The following ADAMTS16 variants were observed in gnomAD, a reference collection of about 807,000 sequenced individuals.
The protein encoded by ADAMTS16 is ADAM metallopeptidase with thrombospondin type 1 motif 16.
In ADAMTS16, 94 loss-of-function variants were observed where a neutral mutation model predicts 145.8. The observed-to-expected ratio is 0.64, with a 90% CI of 0.55 to 0.77. The LOEUF is 0.77. Among genes scored for constraint, ADAMTS16 ranks in the 30% least tolerant of loss-of-function variants. The pLI is 0.00. For missense variants in ADAMTS16, 1,585 were observed against 1,591.5 expected, an observed-to-expected ratio of 1.00 and a Z score of 0.07; for synonymous variants, 659 against 604.3, an observed-to-expected ratio of 1.09 and a Z score of -1.33.
chr5:5,213,555 T>C (rs1736334171), intron 10 of ADAMTS16, among the ~76,000 whole-genome samples: 1 of 152,230 alleles, frequency 6.6e-6, no homozygotes, highest in Non-Finnish European at 1.5e-5. Flanking sequence ...TTATATTATG[T>C]TATTACATAT....
chr5:5,186,217 A>G lies in ADAMTS16; in HGVS notation c.929A>G (p.Asn310Ser). 6.2e-7 allele frequency: 1 copy of G among 1,613,914 alleles called. No homozygotes were observed. The highest frequency in any genetic ancestry group is 8.5e-7 in the Non-Finnish European group (1 of 1,180,006). ...KKMMQNHGHENITTYVLTILN... is the reference protein window; with the variant it reads ...KKMMQNHGHESITTYVLTILN... ...ATGATGCAAAACCATGGCCATGAAAATATCACCACCTACGTGCTCACGATA... is the reference window on the plus strand; with the variant it reads ...ATGATGCAAAACCATGGCCATGAAAGTATCACCACCTACGTGCTCACGATA... Residue 310 changes from asparagine (N) to serine (S), a missense_variant, in exon 5 of 23, where the codon AAT (asparagine) becomes AGT (serine). Asn to Ser is a conservative substitution (Grantham distance 46, BLOSUM62 1). Coordinates refer to ENST00000274181, the MANE Select transcript of ADAMTS16 (RefSeq NM_139056.4).
At chr5:5,178,441 A>T (rs1735253687) in intron 3 of ADAMTS16, among the ~76,000 whole-genome samples, 1 of 152,218 alleles carries the variant, frequency 6.6e-6, no homozygotes, top group Non-Finnish European at 1.5e-5. Flanking sequence ...AGAAGAAAAC[A>T]TTAATCTTCT....
intron 10 of ADAMTS16, among the ~76,000 whole-genome samples, chr5:5,221,854 T>C (rs1165350960): frequency 6.6e-6 from 1 of 152,240 alleles, no homozygotes; most frequent in Non-Finnish European, 1.5e-5. Context: ...ACTACGTCGA[T>C]GTGTTTCACT....
chr5:5,213,547 A>G (rs1736333834), intron 10 of ADAMTS16, among the ~76,000 whole-genome samples: 1 of 152,204 alleles, frequency 6.6e-6, no homozygotes, highest in Non-Finnish European at 1.5e-5. Context: ...TACTTCTATT[A>G]TATTATGTTA....
intron 7 of ADAMTS16, among the ~76,000 whole-genome samples, chr5:5,190,845 C>T (rs1186762700): frequency 2.0e-5 from 3 of 152,102 alleles, no homozygotes; most frequent in Non-Finnish European, 4.4e-5. Context: ...GGCTGGACTC[C>T]GAGAACTCAG....
At chr5:5,145,959 A>G (rs1478013676) in intron 2 of ADAMTS16, among the ~76,000 whole-genome samples, 171 bp from the exon 3 acceptor site, 1 of 152,138 alleles carries the variant, frequency 6.6e-6, no homozygotes, top group Admixed American at 6.6e-5. Context: ...TTAAACTGTG[A>G]TGTTCCATAT....
At chr5:5,303,221 A>C (rs1739864023) in intron 18 of ADAMTS16, 47 bp from the exon 19 acceptor site, 1 of 1,481,270 alleles carries the variant, frequency 6.8e-7, no homozygotes, top group East Asian at 2.3e-5. Context: ...CGCTTCTATC[A>C]GAGTGATGGA....
chr5:5,295,701 C>T (rs1195061829), intron 18 of ADAMTS16, among the ~76,000 whole-genome samples: 1 of 152,218 alleles, frequency 6.6e-6, no homozygotes, highest in Non-Finnish European at 1.5e-5. Flanking sequence ...CCAGGCAGCA[C>T]ATCTAGTGTC....
chr5:5,242,056 C>T lies in ADAMTS16; in HGVS notation c.2527C>T (p.Leu843=). 1 of 1,613,800 alleles carries T rather than the reference C, an allele frequency of 6.2e-7. No individual in the cohort carries two copies. Reference sequence around the variant, plus strand: ...TTTCCCCTTTCTTATTTTGTAGCTGCTGTTTCAGGGAAGGAACCCGGGTGT... The same window carrying T: ...TTTCCCCTTTCTTATTTTGTAGCTGTTGTTTCAGGGAAGGAACCCGGGTGT... The part of the protein sequence containing the change: ...PTNETLIVEL[L]FQGRNPGVAW... The change falls in exon 17 of 23, where the codon CTG becomes TTG. Residue 843 remains leucine (L), a synonymous_variant. Transcript: ENST00000274181.
At chr5:5,318,003 G>A in intron 21 of ADAMTS16, 131 bp from the exon 22 acceptor site, 3 of 1,047,570 alleles carry the variant, frequency 2.9e-6, no homozygotes, top group Non-Finnish European at 2.5e-6. Flanking sequence ...AACTCCACCT[G>A]CCTCTGCGAC....
chr5:5,263,163 G>T (rs184024512), intron 18 of ADAMTS16, among the ~76,000 whole-genome samples: 82 of 152,292 alleles, frequency 5.4e-4, no homozygotes, highest in Non-Finnish European at 9.6e-4. Flanking sequence ...CCATCACAAG[G>T]CCTGCCAGTG....
At chr5:5,305,708 C>T (rs1372795353) in intron 20 of ADAMTS16, among the ~76,000 whole-genome samples, 3 of 152,192 alleles carry the variant, frequency 2.0e-5, no homozygotes, top group African/African-American at 2.4e-5. Context: ...GGTGTTGCCA[C>T]CTGGGCTCCT....
At chr5:5,211,669 T>A (rs906663043) in intron 10 of ADAMTS16, among the ~76,000 whole-genome samples, 1 of 152,188 alleles carries the variant, frequency 6.6e-6, no homozygotes, top group Non-Finnish European at 1.5e-5. Flanking sequence ...TTTCCTAATA[T>A]AACCATTTAA....
rs1383977646 is a variant in ADAMTS16, at chr5:5,239,930, A to T, written c.2523+5A>T. 2 of 1,612,496 alleles carry T rather than the reference A, an allele frequency of 1.2e-6. No homozygotes were observed. The highest frequency in any genetic ancestry group is 1.7e-6 in the Non-Finnish European group (2 of 1,179,022). On this transcript the variant is annotated splice_donor_5th_base_variant and intron_variant, in intron 16 of 22. Transcript: ENST00000274181. The stretch of plus-strand genomic sequence containing the variant: ...AACGAGACACTGATTGTGGAGGTAA[A>T]GTCCAGCCTCTTGATTTTGGGGCTT...
intron 17 of ADAMTS16, among the ~76,000 whole-genome samples, chr5:5,261,710 C>T (rs2126430294): frequency 6.6e-6 from 1 of 152,132 alleles, no homozygotes; most frequent in African/African-American, 2.4e-5. Context: ...GGCCTCAATC[C>T]CCTGACCTCG....
intron 10 of ADAMTS16, among the ~76,000 whole-genome samples, chr5:5,212,189 G>GTTTTTTTTTTTTTTTTTTTTTTTTT (rs200419820): frequency 1.0e-5 from 1 of 98,718 alleles, no homozygotes; most frequent in African/African-American, 2.9e-5. Flanking sequence ...TAGTTTCTGG[G>GTTTTTTTTTTTTTTTTTTTTTTTTT]GTTTTTTTTG....
intron 3 of ADAMTS16, among the ~76,000 whole-genome samples, chr5:5,170,501 C>G (rs1735015806): frequency 6.6e-6 from 1 of 152,084 alleles, no homozygotes; most frequent in Admixed American, 6.5e-5. Flanking sequence ...GCCTCAGCCC[C>G]CCGAGTAGCT....
chr5:5,146,565 G>A, intron 3 of ADAMTS16, 110 bp downstream of exon 3: 1 of 1,167,846 alleles, frequency 8.6e-7, no homozygotes, highest in East Asian at 2.4e-5. Flanking sequence ...TAGTACTGCA[G>A]CGCAGATTAA....
At chr5:5,152,796 C>G (rs1382895) in intron 3 of ADAMTS16, among the ~76,000 whole-genome samples, 60,669 of 152,084 alleles carry the variant, frequency 0.4, 12,651 homozygotes, top group Admixed American at 0.52. Flanking sequence ...TTTCCAAGGA[C>G]TTTAAATGGT....
Sources: allele counts gnomAD v4.1 joint callset (sites outside exome capture counted in the v4.1 genomes callset), GRCh38; gene constraint gnomAD v4.1.1; transcripts MANE v1.5; gene names NCBI Gene and HGNC (gene_info 2026-07-23, HGNC 2026-07-21).